GHR: variants seen among roughly 807,000 people sequenced by gnomAD.
GHR encodes growth hormone receptor.
GHR carries 35 observed loss-of-function variants against 67.1 expected under a neutral mutation model. The ratio of observed to expected loss-of-function variants is 0.52; its 90% CI spans 0.40 to 0.69. The LOEUF is 0.69. GHR is among the 30% of genes least tolerant of loss of function. GHR has a pLI of 0.00. For synonymous variants in GHR, 272 were observed against 269.1 expected, an observed-to-expected ratio of 1.01 and a Z score of -0.10; for missense variants, 792 against 764.6, an observed-to-expected ratio of 1.04 and a Z score of -0.42.
chr5:42,452,379 G>A (rs985978192), intron 1 of GHR, among the ~76,000 whole-genome samples: 1 of 152,046 alleles, frequency 6.6e-6, no homozygotes, highest in African/African-American at 2.4e-5. Context: ...GAGTGTCTAG[G>A]TGATTATCTT....
At chr5:42,641,445 C>A (rs183131979) in intron 3 of GHR, among the ~76,000 whole-genome samples, 4 of 151,994 alleles carry the variant, frequency 2.6e-5, no homozygotes, top group African/African-American at 9.7e-5. Flanking sequence ...TTTTAACAAC[C>A]GCAATATATA....
intron 2 of GHR, among the ~76,000 whole-genome samples, chr5:42,592,165 G>A (rs1241845489): frequency 2.0e-5 from 3 of 152,212 alleles, no homozygotes; most frequent in Non-Finnish European, 2.9e-5. Flanking sequence ...AGTTCACGAT[G>A]TGAATCTTCA....
chr5:42,593,175 AT>A (rs1751882148), intron 2 of GHR, among the ~76,000 whole-genome samples: 1 of 152,206 alleles, frequency 6.6e-6, no homozygotes, highest in Non-Finnish European at 1.5e-5. Context: ...CAGCTGTGTG[AT>A]TCCTTATCAT....
At chr5:42,530,681 A>C (rs1747925744) in intron 1 of GHR, among the ~76,000 whole-genome samples, 1 of 152,158 alleles carries the variant, frequency 6.6e-6, no homozygotes, top group South Asian at 2.1e-4. Flanking sequence ...CTAGCATTGA[A>C]CCTCTTATTA....
At chr5:42,656,027 A>T (rs1340973573) in intron 3 of GHR, among the ~76,000 whole-genome samples, 7 of 152,172 alleles carry the variant, frequency 4.6e-5, no homozygotes, top group Admixed American at 3.9e-4. Context: ...TTATACAATT[A>T]TTAGTTAAAT....
At chr5:42,447,240 C>T (rs971100271) in intron 1 of GHR, among the ~76,000 whole-genome samples, 1 of 152,074 alleles carries the variant, frequency 6.6e-6, no homozygotes, top group Non-Finnish European at 1.5e-5. Context: ...GTGGTGCACC[C>T]ATCACCCAAG....
At chr5:42,662,178 C>T (rs1009999350) in intron 3 of GHR, among the ~76,000 whole-genome samples, 2 of 152,168 alleles carry the variant, frequency 1.3e-5, no homozygotes, top group African/African-American at 4.8e-5. Flanking sequence ...AGCCCACTGT[C>T]AACATTAGAC....
At chr5:42,446,187 A>C (rs190328032) in intron 1 of GHR, among the ~76,000 whole-genome samples, 1 of 152,340 alleles carries the variant, frequency 6.6e-6, no homozygotes, top group East Asian at 1.9e-4. Flanking sequence ...AACTGCACTC[A>C]TAATGTAAGC....
intron 3 of GHR, among the ~76,000 whole-genome samples, chr5:42,685,094 G>A (rs1275607019): frequency 6.6e-6 from 1 of 151,872 alleles, no homozygotes; most frequent in Non-Finnish European, 1.5e-5. Context: ...CCCTCCCCCA[G>A]CCCCACAGCC....
chr5:42,503,866 C>T (rs1331016412), intron 1 of GHR, among the ~76,000 whole-genome samples: 1 of 151,768 alleles, frequency 6.6e-6, no homozygotes, highest in Non-Finnish European at 1.5e-5. Context: ...ATGTCAGAGG[C>T]TGTTATAAAA....
intron 2 of GHR, among the ~76,000 whole-genome samples, chr5:42,600,849 T>C (rs1413702906): frequency 6.6e-6 from 1 of 152,054 alleles, no homozygotes; most frequent in Non-Finnish European, 1.5e-5. Context: ...TCTTTTTATC[T>C]TCACATAGTT....
At chr5:42,545,370 A>T (rs183569736) in intron 1 of GHR, among the ~76,000 whole-genome samples, 3 of 152,302 alleles carry the variant, frequency 2.0e-5, no homozygotes, top group Admixed American at 6.5e-5. Context: ...GAAAAAAAAT[A>T]AAAAATAATA....
chr5:42,563,622 C>A (rs1749748384), intron 1 of GHR, among the ~76,000 whole-genome samples: 2 of 50,476 alleles, frequency 4.0e-5, no homozygotes, highest in Non-Finnish European at 3.5e-5. Context: ...GAGACTCCGT[C>A]TCAAAAAAAA....
At chr5:42,702,853 T>C (rs1215925978) in intron 6 of GHR, among the ~76,000 whole-genome samples, 2 of 152,124 alleles carry the variant, frequency 1.3e-5, no homozygotes, top group African/African-American at 4.8e-5. Flanking sequence ...GTTGGCCATT[T>C]CTATATCTTC....
chr5:42,605,474 A>G (rs1308623705), intron 2 of GHR, among the ~76,000 whole-genome samples: 3 of 152,040 alleles, frequency 2.0e-5, no homozygotes, highest in Non-Finnish European at 4.4e-5. Context: ...CTCGGTAGGA[A>G]TGTCCCAAGT....
chr5:42,592,487 G>C (rs1053096235), intron 2 of GHR, among the ~76,000 whole-genome samples: 2 of 152,166 alleles, frequency 1.3e-5, no homozygotes, highest in African/African-American at 4.8e-5. Context: ...TCAGTGTTTA[G>C]CTCCCACTTA....
intron 1 of GHR, among the ~76,000 whole-genome samples, chr5:42,442,052 G>A (rs1743602186): frequency 6.6e-6 from 1 of 152,162 alleles, no homozygotes; most frequent in South Asian, 2.1e-4. Flanking sequence ...GTGTGCAGAT[G>A]CAGAGGTGTG....
At chr5:42,545,655 G>A (rs1748703508) in intron 1 of GHR, among the ~76,000 whole-genome samples, 1 of 152,114 alleles carries the variant, frequency 6.6e-6, no homozygotes, top group African/African-American at 2.4e-5. Flanking sequence ...TGTTTGAAGT[G>A]GAAATCTTCA....
intron 2 of GHR, among the ~76,000 whole-genome samples, chr5:42,605,119 CAG>C (rs1752566958): frequency 1.9e-5 from 2 of 103,128 alleles, no homozygotes; most frequent in Non-Finnish European, 3.6e-5. Context: ...TTTTTTGAGA[CAG>C]AGTTTCACTC....
Sources: allele counts gnomAD v4.1 joint callset (sites outside exome capture counted in the v4.1 genomes callset), GRCh38; gene constraint gnomAD v4.1.1; transcripts MANE v1.5; gene names NCBI Gene and HGNC (gene_info 2026-07-23, HGNC 2026-07-21).